PLPP4: variants seen among roughly 807,000 people sequenced by gnomAD.
PLPP4 encodes phospholipid phosphatase 4.
PLPP4 carries 20 observed loss-of-function variants against 32.2 expected under a neutral mutation model. The observed-to-expected ratio is 0.62, with a 90% CI of 0.44 to 0.90. The LOEUF (loss-of-function observed/expected upper bound fraction) is 0.90, where lower values mean the gene tolerates loss of function less well. Among genes scored for constraint, PLPP4 ranks in the 40% least tolerant of loss-of-function variants. The pLI, the probability that PLPP4 is intolerant of heterozygous loss-of-function variation, is 0.00. For missense variants in PLPP4, 257 were observed against 353.1 expected, an observed-to-expected ratio of 0.73 and a Z score of 2.18; for synonymous variants, 127 against 133.0, an observed-to-expected ratio of 0.95 and a Z score of 0.31.
At chr10:120,531,894 A>G (rs1846750053) in intron 5 of PLPP4, among the ~76,000 whole-genome samples, 2 of 144,432 alleles carry the variant, frequency 1.4e-5, no homozygotes, top group African/African-American at 5.0e-5. Context: ...ACACACACAC[A>G]CATATATATA....
intron 5 of PLPP4, among the ~76,000 whole-genome samples, chr10:120,561,819 T>G (rs1848449655): frequency 6.6e-6 from 1 of 152,218 alleles, no homozygotes; most frequent in South Asian, 2.1e-4. Context: ...CAGTTATATT[T>G]ACATTTCATT....
chr10:120,546,611 C>G (rs1847634563), intron 5 of PLPP4, among the ~76,000 whole-genome samples: 1 of 152,172 alleles, frequency 6.6e-6, no homozygotes, highest in Admixed American at 6.5e-5. Flanking sequence ...CCTCACAGTC[C>G]TTGCCCTGGT....
At chr10:120,526,887 GC>G (rs1188891576) in intron 5 of PLPP4, among the ~76,000 whole-genome samples, 1 of 152,168 alleles carries the variant, frequency 6.6e-6, no homozygotes, top group Non-Finnish European at 1.5e-5. Flanking sequence ...TGAATGGGCT[GC>G]CTCTCATCAG....
At chr10:120,521,155 T>C (rs1846138894) in intron 5 of PLPP4, 60 bp downstream of exon 5, 1 of 1,592,896 alleles carries the variant, frequency 6.3e-7, no homozygotes, top group East Asian at 2.2e-5. Flanking sequence ...TCACTGTCTT[T>C]GGGAATTTAG....
intron 5 of PLPP4, among the ~76,000 whole-genome samples, chr10:120,555,998 T>C (rs1848145104): frequency 6.6e-6 from 1 of 152,204 alleles, no homozygotes; most frequent in Admixed American, 6.5e-5. Flanking sequence ...CTTGCAGGAC[T>C]GCCCCCCTCT....
chr10:120,530,856 G>T (rs565937712), intron 5 of PLPP4, among the ~76,000 whole-genome samples: 1 of 152,294 alleles, frequency 6.6e-6, no homozygotes, highest in South Asian at 2.1e-4. Flanking sequence ...TTTGGTGGGT[G>T]CATAGTGGTA....
At chr10:120,507,968 AG>A (rs1845573897) in intron 2 of PLPP4, among the ~76,000 whole-genome samples, 1 of 152,206 alleles carries the variant, frequency 6.6e-6, no homozygotes, top group East Asian at 1.9e-4. Context: ...AAGAAGTTTA[AG>A]GAATGATAGG....
At chr10:120,554,765 G>A (rs1848074722) in intron 5 of PLPP4, among the ~76,000 whole-genome samples, 1 of 136,638 alleles carries the variant, frequency 7.3e-6, no homozygotes, top group South Asian at 2.2e-4. Context: ...TGAAGGTGGA[G>A]GTGCTACCCG....
chr10:120,498,807 C>T (rs148228649), intron 1 of PLPP4, among the ~76,000 whole-genome samples: 356 of 152,170 alleles, frequency 2.3e-3, no homozygotes, highest in African/African-American at 8.0e-3. Flanking sequence ...ATTGCAGGCA[C>T]GCACCACCAC....
At chr10:120,556,306 T>G (rs372701636) in intron 5 of PLPP4, among the ~76,000 whole-genome samples, 4 of 152,312 alleles carry the variant, frequency 2.6e-5, no homozygotes, top group African/African-American at 9.6e-5. Context: ...TTTTTGTCTC[T>G]CTTAAAGCTG....
intron 2 of PLPP4, among the ~76,000 whole-genome samples, chr10:120,509,553 A>T (rs888098470): frequency 1.3e-5 from 2 of 152,120 alleles, no homozygotes; most frequent in African/African-American, 4.8e-5. Context: ...CAGTTTCCCC[A>T]TCTGTAAACT....
intron 1 of PLPP4, among the ~76,000 whole-genome samples, chr10:120,479,224 T>TCAAAA (rs200929151): frequency 0.052 from 7,914 of 151,688 alleles, 254 homozygotes; most frequent in Middle Eastern, 0.15. Flanking sequence ...AGACTCCATC[T>TCAAAA]CAAAACAAAA....
rs114138410 is a variant in PLPP4, at chr10:120,523,225, C to T, written c.445+2130C>T. 2.3e-3 allele frequency among the ~76,000 whole-genome samples: 345 copies of T among 152,110 alleles called. 2 individuals are homozygous for T. The highest frequency in any genetic ancestry group is 7.9e-3 in the African/African-American group (327 of 41,494). Reference sequence around the variant, plus strand: ...GCTGAGGCAGGAAAACAGCTTGAACCAGGGGGTCAGAGGTTACAGTGACCT... The same window carrying T: ...GCTGAGGCAGGAAAACAGCTTGAACTAGGGGGTCAGAGGTTACAGTGACCT... On this transcript the variant is annotated intron_variant, in intron 5 of 6. Transcript: ENST00000398250.
intron 1 of PLPP4, among the ~76,000 whole-genome samples, chr10:120,470,120 C>G (rs1848453172): frequency 6.6e-6 from 1 of 152,220 alleles, no homozygotes; most frequent in South Asian, 2.1e-4. Context: ...ATTATGCATC[C>G]TTGCCGATGT....
At chr10:120,475,673 C>G (rs1174371002) in intron 1 of PLPP4, among the ~76,000 whole-genome samples, 1 of 152,204 alleles carries the variant, frequency 6.6e-6, no homozygotes, top group East Asian at 1.9e-4. Flanking sequence ...CTGCAATGGT[C>G]TCCCTGGCCT....
chr10:120,490,120 G>C (rs1184533619), intron 1 of PLPP4, among the ~76,000 whole-genome samples: 1 of 152,164 alleles, frequency 6.6e-6, no homozygotes, highest in Non-Finnish European at 1.5e-5. Flanking sequence ...GAGACTTAAA[G>C]TGAGCAGCTC....
intron 5 of PLPP4, among the ~76,000 whole-genome samples, chr10:120,541,174 G>C (rs781542865): frequency 2.0e-5 from 3 of 152,206 alleles, no homozygotes; most frequent in Non-Finnish European, 4.4e-5. Flanking sequence ...ATTGATGAGA[G>C]TAGAATTATT....
intron 1 of PLPP4, among the ~76,000 whole-genome samples, chr10:120,481,164 C>T (rs1589738451): frequency 1.3e-5 from 2 of 152,190 alleles, no homozygotes; most frequent in East Asian, 3.9e-4. Flanking sequence ...GTCTGGGTCC[C>T]ACACTGTTGG....
chr10:120,553,859 A>C (rs1392393472), intron 5 of PLPP4, among the ~76,000 whole-genome samples: 3 of 152,134 alleles, frequency 2.0e-5, no homozygotes, highest in Non-Finnish European at 4.4e-5. Context: ...CCCACGAGAA[A>C]CTATTCTTCT....
Sources: gnomAD v4.1 joint callset for allele counts (sites outside exome capture counted in the v4.1 genomes callset) on GRCh38, gnomAD v4.1.1 for gene constraint, MANE v1.5 for transcripts, NCBI Gene and HGNC (gene_info 2026-07-23, HGNC 2026-07-21) for gene names.